The following IRGM variants were observed in gnomAD, a reference collection of about 807,000 sequenced individuals.
The protein encoded by IRGM is immunity-related GTPase family M protein.
For missense variants in IRGM, 288 were observed against 219.9 expected (o/e 1.31, Z -1.96); for synonymous variants, 98 against 80.6 (o/e 1.22, Z -1.16).
downstream of IRGM, among the ~76,000 whole-genome samples, chr5:150,849,898 C>G (rs1753948605): frequency 2.0e-5 from 3 of 152,120 alleles, no homozygotes; most frequent in South Asian, 6.2e-4. Context: ...AGCCACCACA[C>G]CTGGCCACCA....
At chr5:150,866,624 G>A (rs1404177851) in intron 1 of IRGM, among the ~76,000 whole-genome samples, 3 of 152,052 alleles carry the variant, frequency 2.0e-5, no homozygotes, top group Non-Finnish European at 4.4e-5. Flanking sequence ...TCTGCAGGAG[G>A]AAAAAAAGTG....
intron 1 of IRGM, among the ~76,000 whole-genome samples, chr5:150,872,316 C>T (rs558362051): frequency 9.8e-5 from 15 of 152,310 alleles, no homozygotes; most frequent in South Asian, 8.3e-4. Context: ...CCCTGACCCA[C>T]GCTGCCATCA....
chr5:150,895,859 A>C, intron 3 of IRGM: 1 of 1,613,660 alleles, frequency 6.2e-7, no homozygotes, highest in Non-Finnish European at 8.5e-7. Context: ...GTTTTTCCCC[A>C]GTATGAACTA....
chr5:150,896,255 A>G (rs754351765), intron 3 of IRGM: 2 of 1,613,734 alleles, frequency 1.2e-6, no homozygotes, highest in Admixed American at 1.7e-5. Context: ...TTCCACATTC[A>G]GAACAATCAT....
chr5:150,858,687 A>G (rs1754093183), intron 1 of IRGM, among the ~76,000 whole-genome samples: 1 of 152,024 alleles, frequency 6.6e-6, no homozygotes. Flanking sequence ...TCTTTGAAGC[A>G]ATTGTGAATG....
chr5:150,877,429 A>G (rs1364393564), intron 1 of IRGM, among the ~76,000 whole-genome samples: 1 of 152,112 alleles, frequency 6.6e-6, no homozygotes, highest in Admixed American at 6.6e-5. Flanking sequence ...CTGCCATCGA[A>G]TATCAGACTT....
downstream of IRGM, among the ~76,000 whole-genome samples, chr5:150,850,124 A>G (rs1221718853): frequency 6.6e-6 from 1 of 152,190 alleles, no homozygotes; most frequent in East Asian, 1.9e-4. Flanking sequence ...TTGGAGGGGA[A>G]CAAGAGAGTT....
intron 3 of IRGM, chr5:150,898,344 G>T: frequency 1.2e-6 from 2 of 1,608,340 alleles, no homozygotes; most frequent in Non-Finnish European, 1.7e-6. Flanking sequence ...CATGACATAT[G>T]TCAGGAACAA....
downstream of IRGM, among the ~76,000 whole-genome samples, chr5:150,901,131 C>T (rs1436894549): frequency 2.6e-5 from 4 of 151,962 alleles, no homozygotes; most frequent in African/African-American, 9.7e-5. Flanking sequence ...ATATACAGCC[C>T]TCTTCCTGAA....
intron 1 of IRGM, among the ~76,000 whole-genome samples, chr5:150,862,383 C>T (rs889574980): frequency 2.0e-4 from 31 of 152,208 alleles, no homozygotes; most frequent in Admixed American, 1.3e-3. Flanking sequence ...GGAGATTGTA[C>T]AAGGGGTGAA....
intron 1 of IRGM, among the ~76,000 whole-genome samples, chr5:150,864,942 C>A (rs1401456163): frequency 6.6e-6 from 1 of 152,160 alleles, no homozygotes; most frequent in Non-Finnish European, 1.5e-5. Flanking sequence ...CATGAAAACC[C>A]CAGGACCAGA....
intron 3 of IRGM, chr5:150,895,366 G>T: frequency 7.7e-7 from 1 of 1,297,138 alleles, no homozygotes; most frequent in Non-Finnish European, 1.0e-6. Context: ...AAATTAATTG[G>T]GTTTCTAGTA....
chr5:150,892,657 T>C (rs1281977378), intron 3 of IRGM, among the ~76,000 whole-genome samples: 2 of 152,122 alleles, frequency 1.3e-5, no homozygotes, highest in East Asian at 3.9e-4. Flanking sequence ...CCATTAAATA[T>C]GATGTTTACT....
At chr5:150,891,020 G>C (rs1220943962) in intron 3 of IRGM, among the ~76,000 whole-genome samples, 2 of 152,010 alleles carry the variant, frequency 1.3e-5, no homozygotes, top group Non-Finnish European at 2.9e-5. Context: ...CTCTCAATTA[G>C]TGAGAATGTA....
chr5:150,849,443 A>G (rs1330081380), downstream of IRGM, among the ~76,000 whole-genome samples: 3 of 152,244 alleles, frequency 2.0e-5, no homozygotes, highest in Non-Finnish European at 2.9e-5. Flanking sequence ...GGAAGGCATC[A>G]GAAAAAATAT....
chr5:150,868,619 C>G (rs765877089), intron 1 of IRGM, among the ~76,000 whole-genome samples: 16 of 152,042 alleles, frequency 1.1e-4, no homozygotes, highest in Admixed American at 2.6e-4. Flanking sequence ...CAAAGTGTTT[C>G]CATTTGTTTG....
At chr5:150,865,889 T>C (rs997596877) in intron 1 of IRGM, among the ~76,000 whole-genome samples, 1 of 152,138 alleles carries the variant, frequency 6.6e-6, no homozygotes, top group African/African-American at 2.4e-5. Context: ...CCTGGGTAGC[T>C]GGGACCACAG....
intron 1 of IRGM, among the ~76,000 whole-genome samples, chr5:150,877,195 G>C (rs1754377570): frequency 6.6e-6 from 1 of 152,192 alleles, no homozygotes; most frequent in Non-Finnish European, 1.5e-5. Context: ...CTTGATTGGA[G>C]TGAAGGATGC....
At chr5:150,896,180 A>T in intron 3 of IRGM, 1 of 1,613,520 alleles carries the variant, frequency 6.2e-7, no homozygotes, top group African/African-American at 1.3e-5. Context: ...CACTACATTC[A>T]TAGGGTTTTT....
Sources: allele counts gnomAD v4.1 joint callset (sites outside exome capture counted in the v4.1 genomes callset), GRCh38; gene constraint gnomAD v4.1.1; transcripts MANE v1.5; gene names NCBI Gene and HGNC (gene_info 2026-07-23, HGNC 2026-07-21).